Variants in HMGXB3 observed in about 807,000 individuals in gnomAD.
HMGXB3 encodes HMG domain-containing protein 3.
HMGXB3 carries 45 observed loss-of-function variants against 121.5 expected under a neutral mutation model. The observed-to-expected ratio is 0.37, with a 90% CI of 0.29 to 0.47. HMGXB3 has a LOEUF of 0.47. HMGXB3 is among the 20% of genes least tolerant of loss of function. HMGXB3 has a pLI of 0.99. For synonymous variants in HMGXB3, 590 were observed against 624.1 expected (o/e 0.95, Z 0.81); for missense variants, 1,376 against 1,602.2 (o/e 0.86, Z 2.41).
intron 15 of HMGXB3, among the ~76,000 whole-genome samples, chr5:150,042,436 G>T (rs913223730): frequency 1.3e-5 from 2 of 152,164 alleles, no homozygotes; most frequent in Non-Finnish European, 1.5e-5. Flanking sequence ...GGGCAGTGAG[G>T]GGGGAAGGCC....
intron 5 of HMGXB3, among the ~76,000 whole-genome samples, 190 bp downstream of exon 5, chr5:150,012,543 G>T (rs970169112): frequency 2.0e-5 from 3 of 152,170 alleles, no homozygotes; most frequent in South Asian, 4.1e-4. Context: ...GTTCTTAATG[G>T]GGGTGAGGGG....
chr5:150,022,471 A>G (rs148632554), intron 6 of HMGXB3, among the ~76,000 whole-genome samples: 112 of 152,342 alleles, frequency 7.4e-4, no homozygotes, highest in African/African-American at 2.6e-3. Context: ...CTGCAGCCTC[A>G]GAGAATTTTG....
chr5:150,006,495 T>TA lies in HMGXB3; in HGVS notation c.161dup (p.Tyr54Ter). The stretch of plus-strand genomic sequence containing the variant: ...CAGGTCTGCTTACCTTCTGTACTAT[T>TA]ACGACATCTACCTGAAAGTGCAGCA... Reference protein sequence around the residue: ...KPRSAYLLYYYDIYLKVQQEL... With the variant: ...KPRSAYLLYY Residue 54 changes from tyrosine (Y) to a stop codon, truncating the protein, a stop_gained and frameshift_variant, in exon 3 of 20, where the codon TAC becomes TAAC. Coordinates refer to ENST00000502717, the MANE Select transcript of HMGXB3 (RefSeq NM_014983.3). 1 of 1,551,778 alleles carries TA rather than the reference T, an allele frequency of 6.4e-7. No homozygotes were observed.
At chr5:150,012,463 G>T (rs1755862715) in intron 5 of HMGXB3, 110 bp downstream of exon 5, 2 of 759,074 alleles carry the variant, frequency 2.6e-6, no homozygotes, top group East Asian at 5.5e-5. Flanking sequence ...GGACCAAGAA[G>T]ATTTCTAAAA....
At position 150,010,112 on chromosome 5, in the gene HMGXB3, A is replaced by G; in HGVS notation, c.314A>G (p.Asn105Ser). 1 of 1,549,568 alleles carries G rather than the reference A, an allele frequency of 6.5e-7. No homozygotes were observed. The highest frequency in any genetic ancestry group is 8.7e-7 in the Non-Finnish European group (1 of 1,145,826). Residue 105 changes from asparagine (N) to serine (S), a missense_variant and splice_region_variant, in exon 4 of 20, where the codon AAC becomes AGC. Transcript: ENST00000502717. ...CCTTCCTGGCTTCCTCATCCTCAGA[A>G]CTCTAAGCTCTCTGCACTGACTGCT... ...AKLEKEGLDP[N>S]SKLSALTAVV...
In HMGXB3 at chr5:150,024,430, G is replaced by C. The variant is rs1360690131; in HGVS notation, c.1210G>C (p.Ala404Pro). 1 of 1,551,724 alleles carries C rather than the reference G, an allele frequency of 6.4e-7. No individual in the cohort carries two copies. Among genetic ancestry groups the C allele is most frequent in the Admixed American group, 2.0e-5 (1 of 51,000 alleles). ...SEAVSQLLNV[A>P]PPREVGEESE... is the part of the protein sequence containing the mutation. ...AGCTGTAAGCCAGCTCCTGAACGTA[G>C]CTCCTCCCAGAGAAGTAGGTGAGGA... Residue 404 changes from alanine (A) to proline (P), a missense_variant, in exon 7 of 20, where the codon GCT (alanine) becomes CCT (proline). Physicochemically the swap from Ala to Pro is conservative, Grantham distance 27 (BLOSUM62 -1). Transcript: ENST00000502717.
At chr5:150,047,895 A>ATGG (rs534779693) in intron 17 of HMGXB3, 138 bp downstream of exon 17, 12 of 883,338 alleles carry the variant, frequency 1.4e-5, no homozygotes, top group Non-Finnish European at 2.1e-5. Flanking sequence ...TGCCTAGGAG[A>ATGG]TGGTCAACAG....
In HMGXB3 at chr5:150,051,721, C is replaced by T; in HGVS notation, c.3412-4C>T. 6.6e-7 allele frequency: 1 copy of T among 1,513,988 alleles called. No homozygotes were observed. The highest frequency in any genetic ancestry group is 1.2e-5 in the South Asian group (1 of 81,908). 93.8% of individuals were successfully genotyped at this position (1,513,988 alleles called of 1,614,324 possible). A position where few individuals can be genotyped will look rare whatever the true frequency, so the allele number is the denominator to read the frequency against. On this transcript the variant is annotated splice_polypyrimidine_tract_variant and splice_region_variant and intron_variant, in intron 19 of 19. Coordinates refer to ENST00000502717, the MANE Select transcript of HMGXB3 (RefSeq NM_014983.3). ...ATCAAAATGCATTCTCATTTCTCTT[C>T]TAGAGTGTGTCCTGCCCAGAGCTCT...
rs1756944283 is a variant in HMGXB3, at chr5:150,052,430, TG to T, written c.*243del. ...CCTCTTCTGGCCCCGAGAGAGCACT[TG>T]GGGGACACGGTATGTTTAATGGAGG... On this transcript the variant is annotated 3_prime_UTR_variant, in exon 20 of 20. Coordinates refer to ENST00000502717, the MANE Select transcript of HMGXB3 (RefSeq NM_014983.3). 3 of 525,884 alleles carry T rather than the reference TG, an allele frequency of 5.7e-6. No homozygotes were observed. The highest frequency in any genetic ancestry group is 1.0e-5 in the Non-Finnish European group (3 of 293,076). The allele number at this position is 525,884 out of a possible 1,614,324, so 32.6% of individuals were successfully genotyped here. A position where few individuals can be genotyped will look rare whatever the true frequency, so the allele number is the denominator to read the frequency against.
At chr5:150,043,431 C>T (rs892530817) in intron 15 of HMGXB3, among the ~76,000 whole-genome samples, 4 of 152,196 alleles carry the variant, frequency 2.6e-5, no homozygotes, top group African/African-American at 7.2e-5. Flanking sequence ...AGGTACTGGA[C>T]TTGCATCTCA....
At chr5:150,005,568 C>T (rs527584597) in intron 2 of HMGXB3, among the ~76,000 whole-genome samples, 2 of 136,916 alleles carry the variant, frequency 1.5e-5, no homozygotes, top group African/African-American at 5.6e-5. Context: ...CATTGCACTA[C>T]AGCTTGGCCA....
Position 150,052,448 on chromosome 5 carries a change from T to G in HMGXB3, c.*256T>G. On this transcript the variant is annotated 3_prime_UTR_variant, in exon 20 of 20. Coordinates refer to ENST00000502717, the MANE Select transcript of HMGXB3 (RefSeq NM_014983.3). ...GAGCACTTGGGGGACACGGTATGTT[T>G]AATGGAGGGGAGGCTGAGGGAAAGG... 2 of 477,500 alleles carry G rather than the reference T, an allele frequency of 4.2e-6. No individual in the cohort carries two copies. The highest frequency in any genetic ancestry group is 3.8e-6 in the Non-Finnish European group (1 of 264,690). The allele number at this position is 477,500 out of a possible 1,614,324, so 29.6% of individuals were successfully genotyped here.
At chr5:150,003,826 T>G (rs1471250614) in intron 1 of HMGXB3, among the ~76,000 whole-genome samples, 1 of 151,568 alleles carries the variant, frequency 6.6e-6, no homozygotes, top group Non-Finnish European at 1.5e-5. Flanking sequence ...CGTGATGACA[T>G]CACCTGTAGT....
At position 150,048,619 on chromosome 5, in the gene HMGXB3, A is replaced by T; in HGVS notation, c.3135A>T (p.Gly1045=). The T allele has an allele frequency of 6.4e-7, 1 of 1,552,010 alleles. No individual in the cohort carries two copies. The highest frequency in any genetic ancestry group is 8.7e-7 in the Non-Finnish European group (1 of 1,147,050). Reference sequence around the variant, plus strand: ...CCCTCTACGAATCTGTACAGAATGGAGCTAGAGCTATACGGCCCCCACGTC... The same window carrying T: ...CCCTCTACGAATCTGTACAGAATGGTGCTAGAGCTATACGGCCCCCACGTC... ...LLALYESVQN[G]ARAIRPPRHF... The change falls in exon 18 of 20, where the codon GGA becomes GGT. Residue 1045 remains glycine (G), a synonymous_variant. Transcript: ENST00000502717.
Position 150,027,063 on chromosome 5 carries a change from A to G in HMGXB3, c.1680A>G (p.Thr560=). The change falls in exon 9 of 20, where the codon ACA becomes ACG. Residue 560 remains threonine, a synonymous_variant. Coordinates refer to ENST00000502717, the MANE Select transcript of HMGXB3 (RefSeq NM_014983.3). ...GGACTTGTGGTCTGAAGCCAAGCACACTGAAGCAGCTGGGCCAGCCCATTC... is the reference window on the plus strand; with the variant it reads ...GGACTTGTGGTCTGAAGCCAAGCACGCTGAAGCAGCTGGGCCAGCCCATTC... The part of the protein sequence containing the change: ...SVRTCGLKPS[T]LKQLGQPIQQ... 1 of 1,551,716 alleles carries G rather than the reference A, an allele frequency of 6.4e-7. No individual in the cohort carries two copies. The highest frequency in any genetic ancestry group is 8.7e-7 in the Non-Finnish European group (1 of 1,146,998).
At position 150,017,868 on chromosome 5, in the gene HMGXB3, G is replaced by A. The variant is rs78815923; in HGVS notation, c.910-698G>A. Among the ~76,000 whole-genome samples the A allele has an allele frequency of 7.3e-3, 1,112 of 151,830 alleles. 8 individuals are homozygous for A. The highest frequency in any genetic ancestry group is 0.011 in the Non-Finnish European group (717 of 67,938). ...TGTAGCTGAAATATTATAACCCATA[G>A]TAATACATTTTGCTCAAAGGGAGAT... On this transcript the variant is annotated intron_variant, in intron 5 of 19. Transcript: ENST00000502717.
At chr5:150,021,901 T>G (rs1756103959) in intron 6 of HMGXB3, 1 of 508,714 alleles carries the variant, frequency 2.0e-6, no homozygotes, top group African/African-American at 1.9e-5. Context: ...TGGGTGTTTT[T>G]CCGGTGTCTT....
In HMGXB3 at chr5:150,032,444, A is replaced by C. The variant is rs1756402477; in HGVS notation, c.1834-10A>C. 1 of 1,550,846 alleles carries C rather than the reference A, an allele frequency of 6.4e-7. No homozygotes were observed. The highest frequency in any genetic ancestry group is 8.7e-7 in the Non-Finnish European group (1 of 1,146,412). ...TTTTGTAGAATTGAACACTGGTCTT[A>C]CTTTTTTAGGATTTGGGCCTGGCTA... On this transcript the variant is annotated splice_polypyrimidine_tract_variant and intron_variant, in intron 10 of 19. Transcript: ENST00000502717.
chr5:150,039,585 G>A (rs967653258), intron 13 of HMGXB3, among the ~76,000 whole-genome samples: 9 of 151,716 alleles, frequency 5.9e-5, no homozygotes, highest in Non-Finnish European at 1.2e-4. Flanking sequence ...GATCCTTTAT[G>A]GGTTTTTTTC....
Sources: gnomAD v4.1 joint callset for allele counts (sites outside exome capture counted in the v4.1 genomes callset) on GRCh38, gnomAD v4.1.1 for gene constraint, MANE v1.5 for transcripts, NCBI Gene and HGNC (gene_info 2026-07-23, HGNC 2026-07-21) for gene names.